The following BTAF1 variants were observed in gnomAD, a reference collection of about 807,000 sequenced individuals.
The protein encoded by BTAF1 is B-TFIID TATA-box binding protein associated factor 1.
BTAF1 carries 38 observed loss-of-function variants against 227.1 expected under a neutral mutation model. That is an observed-to-expected ratio of 0.17 (90% confidence interval 0.13 to 0.22). The LOEUF is 0.22. Among genes scored for constraint, BTAF1 ranks in the 10% least tolerant of loss-of-function variants. The pLI, the probability that BTAF1 is intolerant of heterozygous loss-of-function variation, is 1.00. For synonymous variants in BTAF1, 742 were observed against 751.9 expected (o/e 0.99, Z 0.21); for missense variants, 1,598 against 2,204.0 (o/e 0.73, Z 5.51).
At chr10:91,985,158 G>A (rs1589878524) in intron 19 of BTAF1, among the ~76,000 whole-genome samples, 4 of 151,898 alleles carry the variant, frequency 2.6e-5, no homozygotes, top group South Asian at 2.1e-4. Flanking sequence ...CCCTGCCACC[G>A]AGTAACCATT....
At position 91,981,771 on chromosome 10, in the gene BTAF1, A is replaced by G. The variant is rs1225391613; in HGVS notation, c.1884A>G (p.Leu628=). Residue 628 remains leucine (L), a synonymous_variant, in exon 16 of 38, where the codon CTA becomes CTG. Transcript: ENST00000265990. ...SHLPIDLNML[L]EVKARAKEKT... ...TACCTATCGATTTAAATATGTTGCT[A>G]GAAGTAAAAGCTAGAGCCAAGGTAA... 1.2e-6 allele frequency: 2 copies of G among 1,613,364 alleles called. No homozygotes were observed. Among genetic ancestry groups the G allele is most frequent in the African/African-American group, 1.3e-5 (1 of 74,882 alleles).
At chr10:92,021,875 C>G (rs1338435510) in intron 34 of BTAF1, among the ~76,000 whole-genome samples, 3 of 152,032 alleles carry the variant, frequency 2.0e-5, no homozygotes, top group Non-Finnish European at 4.4e-5. Context: ...TTGACCACTA[C>G]AAGTGGAAGA....
At chr10:91,987,415 G>A (rs901736308) in intron 19 of BTAF1, among the ~76,000 whole-genome samples, 1 of 152,014 alleles carries the variant, frequency 6.6e-6, no homozygotes, top group African/African-American at 2.4e-5. Context: ...CCCAGGAGGC[G>A]GAGCTTGCAG....
At chr10:91,988,159 T>G (rs1392029299) in intron 19 of BTAF1, among the ~76,000 whole-genome samples, 1 of 152,242 alleles carries the variant, frequency 6.6e-6, no homozygotes, top group Non-Finnish European at 1.5e-5. Flanking sequence ...CAACTTGCAC[T>G]TACCTCAGTT....
chr10:92,018,000 C>T (rs140896326), intron 33 of BTAF1, among the ~76,000 whole-genome samples: 65 of 152,284 alleles, frequency 4.3e-4, no homozygotes, highest in African/African-American at 1.4e-3. Flanking sequence ...CCACTTGAGA[C>T]AGTCCCCTTC....
intron 30 of BTAF1, among the ~76,000 whole-genome samples, chr10:92,012,824 C>G (rs1850466744): frequency 1.3e-5 from 2 of 150,392 alleles, no homozygotes; most frequent in South Asian, 4.2e-4. Context: ...AAAAAAGCCT[C>G]TTTAGGCTGA....
intron 3 of BTAF1, among the ~76,000 whole-genome samples, chr10:91,941,648 G>A (rs2133817125): frequency 6.6e-6 from 1 of 152,266 alleles, no homozygotes; most frequent in African/African-American, 2.4e-5. Context: ...GTATGGGGAG[G>A]GATGATTCTT....
Position 91,996,422 on chromosome 10 carries a change from A to G in BTAF1, c.3363A>G (p.Ala1121=). The change falls in exon 24 of 38, where the codon GCA becomes GCG. Residue 1121 remains alanine, a synonymous_variant. Coordinates refer to ENST00000265990, the MANE Select transcript of BTAF1 (RefSeq NM_003972.3). ...TGTGCCTTCAATACCCCAGTACTGC[A>G]GTGAGGCACATGGCTGCTCGTTGTG... is the stretch of plus-strand genomic sequence containing the variant. The part of the protein sequence containing the change: ...LYMCLQYPST[A]VRHMAARCVG... 1 of 1,614,190 alleles carries G rather than the reference A, an allele frequency of 6.2e-7. No individual in the cohort carries two copies. The highest frequency in any genetic ancestry group is 8.5e-7 in the Non-Finnish European group (1 of 1,180,032).
intron 6 of BTAF1, among the ~76,000 whole-genome samples, chr10:91,955,407 G>A (rs1006531107): frequency 6.6e-6 from 1 of 151,846 alleles, no homozygotes; most frequent in African/African-American, 2.4e-5. Context: ...AAGAAAGATG[G>A]GAAATAAATA....
At chr10:92,017,293 G>A (rs1421553802) in intron 33 of BTAF1, among the ~76,000 whole-genome samples, 2 of 152,148 alleles carry the variant, frequency 1.3e-5, no homozygotes, top group African/African-American at 4.8e-5. Context: ...GGTGTATGGG[G>A]GGAAGTGATT....
In BTAF1 at chr10:91,944,288, T is replaced by A. The variant is rs1281144179; in HGVS notation, c.400+1720T>A. On this transcript the variant is annotated intron_variant, in intron 4 of 37. Transcript: ENST00000265990. ...GCTGAACAGTGCTTGTTTAAAACCCTGTAGTTAGGTTTTCTTTAAATGTTG... is the reference window on the plus strand; with the variant it reads ...GCTGAACAGTGCTTGTTTAAAACCCAGTAGTTAGGTTTTCTTTAAATGTTG... Among the ~76,000 whole-genome samples, 3 of 152,350 alleles carry A rather than the reference T, an allele frequency of 2.0e-5. No individual in the cohort carries two copies. The East Asian group carries it at 5.8e-4, about 29-fold the overall frequency.
intron 11 of BTAF1, 89 bp from the exon 12 acceptor site, chr10:91,962,449 C>T: frequency 1.1e-6 from 1 of 884,400 alleles, no homozygotes. Context: ...TGGAATTTAG[C>T]TGTCATGTGG....
chr10:92,013,515 C>T, intron 30 of BTAF1, 152 bp from the exon 31 acceptor site: 7 of 972,922 alleles, frequency 7.2e-6, no homozygotes, highest in Non-Finnish European at 1.1e-5. Context: ...CTGAATTTTA[C>T]ACACTAAAAT....
chr10:91,995,673 C>A lies in BTAF1; in HGVS notation c.3310-696C>A, dbSNP rs527749997. Among the ~76,000 whole-genome samples the A allele has an allele frequency of 2.7e-5, 4 of 148,958 alleles. No homozygotes were observed. In the South Asian group the frequency reaches 8.5e-4, roughly 32 times the overall value. ...CCTAGGCGACAGAGCGAGACTCAGT[C>A]TCAAAAAAAAAAAGAAGGAAAAAAA... On this transcript the variant is annotated intron_variant, in intron 23 of 37. Transcript: ENST00000265990.
intron 23 of BTAF1, among the ~76,000 whole-genome samples, chr10:91,995,904 C>T (rs1449138198): frequency 1.3e-5 from 2 of 152,250 alleles, no homozygotes; most frequent in South Asian, 2.1e-4. Context: ...CTACAGTGGA[C>T]GATACCTACC....
intron 28 of BTAF1, among the ~76,000 whole-genome samples, chr10:92,010,616 GAAT>G (rs1564715401): frequency 6.6e-6 from 1 of 152,162 alleles, no homozygotes; most frequent in East Asian, 1.9e-4. Context: ...TCTCTCTCAT[GAAT>G]ATATCAGTAC....
At chr10:91,973,633 G>A (rs550011992) in intron 14 of BTAF1, among the ~76,000 whole-genome samples, 22 of 152,142 alleles carry the variant, frequency 1.4e-4, no homozygotes, top group Middle Eastern at 3.4e-3. Context: ...GGCCGGGCGC[G>A]GTGGCTCACG....
At chr10:91,960,228 G>T (rs1040722624) in intron 11 of BTAF1, 74 bp downstream of exon 11, 6 of 1,445,668 alleles carry the variant, frequency 4.2e-6, no homozygotes, top group Non-Finnish European at 4.7e-6. Context: ...CTAATTAGAC[G>T]AAATGGCCGT....
chr10:91,927,609 G>A (rs1843943950), intron 1 of BTAF1, among the ~76,000 whole-genome samples: 1 of 151,922 alleles, frequency 6.6e-6, no homozygotes, highest in Non-Finnish European at 1.5e-5. Context: ...CCTAGTGGGT[G>A]TTCAGTACAT....
Sources: gnomAD v4.1 joint callset for allele counts (sites outside exome capture counted in the v4.1 genomes callset) on GRCh38, gnomAD v4.1.1 for gene constraint, MANE v1.5 for transcripts, NCBI Gene and HGNC (gene_info 2026-07-23, HGNC 2026-07-21) for gene names.